The following ANXA8 variants were observed in gnomAD, a reference collection of about 807,000 sequenced individuals.
ANXA8 encodes the protein annexin A8, also known as VAC-beta.
Under a neutral mutation model 26.8 loss-of-function variants are expected in ANXA8, and 9 were observed. The observed-to-expected ratio is 0.34, with a 90% confidence interval of 0.20 to 0.59. The LOEUF (loss-of-function observed/expected upper bound fraction) is 0.59. Among genes scored for constraint, ANXA8 ranks in the 20% least tolerant of loss-of-function variants. The probability of loss-of-function intolerance (pLI) is 0.84; values close to 1 mark genes in which losing one functional copy is unlikely to be tolerated. For missense variants in ANXA8, 83 were observed against 238.5 expected, an observed-to-expected ratio of 0.35 and a Z score of 4.29; for synonymous variants, 39 against 94.8, an observed-to-expected ratio of 0.41 and a Z score of 3.42.
At chr10:47,954,503 A>G in the ANXA8 span, among the ~76,000 whole-genome samples, 1 of 151,164 alleles carries the variant, frequency 6.6e-6, no homozygotes, top group East Asian at 2.0e-4. Flanking sequence ...CAGGTTGGCC[A>G]GTCAACAATA....
At chr10:47,562,144 G>T in the ANXA8 span, among the ~76,000 whole-genome samples, 1 of 151,774 alleles carries the variant, frequency 6.6e-6, no homozygotes, top group Non-Finnish European at 1.5e-5. Flanking sequence ...AGTATGTTCA[G>T]CTTAGAATAT....
chr10:47,500,186 A>G, the ANXA8 span, among the ~76,000 whole-genome samples: 1 of 142,188 alleles, frequency 7.0e-6, no homozygotes, highest in African/African-American at 2.6e-5. Context: ...GACTAAAGGC[A>G]TGAAACCACC....
the ANXA8 span, among the ~76,000 whole-genome samples, chr10:47,694,938 G>A: frequency 3.3e-5 from 5 of 151,528 alleles, 1 homozygote; most frequent in African/African-American, 9.7e-5. Flanking sequence ...TAGGAGCTGG[G>A]GCATGTCAGT....
At chr10:47,497,931 A>T in the ANXA8 span, among the ~76,000 whole-genome samples, 2 of 152,128 alleles carry the variant, frequency 1.3e-5, 1 homozygote, top group South Asian at 4.1e-4. Context: ...AGAGTGAGGG[A>T]TCTCAAAAAA....
the ANXA8 span, among the ~76,000 whole-genome samples, chr10:47,955,088 T>A: frequency 2.1e-5 from 3 of 146,316 alleles, no homozygotes; most frequent in Non-Finnish European, 4.5e-5. Flanking sequence ...GGCAGATCTT[T>A]ACTGTGCTGT....
At chr10:47,489,540 C>T in the ANXA8 span, 1 of 600,998 alleles carries the variant, frequency 1.7e-6, no homozygotes, top group Non-Finnish European at 2.9e-6. Context: ...CACCTAGCTT[C>T]CCTTCCTCCC....
the ANXA8 span, among the ~76,000 whole-genome samples, chr10:47,772,144 A>G: frequency 1.5e-4 from 22 of 151,678 alleles, no homozygotes; most frequent in African/African-American, 5.1e-4. Flanking sequence ...AGAATGTGAA[A>G]AAAAAAGGCC....
chr10:47,577,119 T>C, the ANXA8 span, among the ~76,000 whole-genome samples: 144 of 148,590 alleles, frequency 9.7e-4, no homozygotes, highest in African/African-American at 3.4e-3. Context: ...CCCAGCTGAC[T>C]GAGGCTGAGA....
At chr10:47,500,185 CA>C in the ANXA8 span, among the ~76,000 whole-genome samples, 1 of 142,194 alleles carries the variant, frequency 7.0e-6, no homozygotes, top group East Asian at 2.2e-4. Flanking sequence ...GGACTAAAGG[CA>C]TGAAACCACC....
the ANXA8 span, chr10:47,491,640 C>A: frequency 6.5e-7 from 1 of 1,539,942 alleles, no homozygotes; most frequent in Non-Finnish European, 8.8e-7. Flanking sequence ...GTGGGCCAGG[C>A]CCTCGGCAGC....
the ANXA8 span, among the ~76,000 whole-genome samples, chr10:47,748,117 A>G: frequency 6.6e-6 from 1 of 152,026 alleles, no homozygotes; most frequent in African/African-American, 2.4e-5. Context: ...TTAAATAAAT[A>G]TAGGCTGAGA....
the ANXA8 span, chr10:47,763,044 C>CA: frequency 1.8e-5 from 19 of 1,044,588 alleles, no homozygotes; most frequent in Non-Finnish European, 2.2e-5. Context: ...CCGCGTCTGA[C>CA]ACAGGGCTCC....
the ANXA8 span, among the ~76,000 whole-genome samples, chr10:47,658,708 A>G: frequency 7.2e-6 from 1 of 139,270 alleles, no homozygotes; most frequent in Admixed American, 7.0e-5. Flanking sequence ...TTTGATTTCC[A>G]GTTCCAACTC....
the ANXA8 span, among the ~76,000 whole-genome samples, chr10:47,665,029 G>A: frequency 3.0e-4 from 44 of 146,656 alleles, no homozygotes; most frequent in Non-Finnish European, 6.4e-4. Flanking sequence ...ACCCAGTTGA[G>A]AAATACTGGG....
chr10:47,660,643 T>C, the ANXA8 span, among the ~76,000 whole-genome samples: 9,847 of 150,510 alleles, frequency 0.065, 719 homozygotes, highest in African/African-American at 0.23. Context: ...TCCAGTGATC[T>C]GCCTGCCTCG....
the ANXA8 span, among the ~76,000 whole-genome samples, chr10:47,940,455 T>A: frequency 4.1e-5 from 6 of 147,162 alleles, no homozygotes; most frequent in African/African-American, 1.6e-4. Flanking sequence ...AGCAACAGCA[T>A]GAAAAAAATA....
At chr10:47,941,259 C>T in the ANXA8 span, among the ~76,000 whole-genome samples, 2 of 146,510 alleles carry the variant, frequency 1.4e-5, no homozygotes, top group African/African-American at 5.3e-5. Context: ...CTGTACCCTC[C>T]TCCGAGAGGA....
the ANXA8 span, among the ~76,000 whole-genome samples, chr10:47,572,405 G>A: frequency 2.0e-5 from 3 of 147,906 alleles, no homozygotes; most frequent in Admixed American, 6.8e-5. Context: ...GCCTCAGACC[G>A]TGCTCTCTAT....
the ANXA8 span, among the ~76,000 whole-genome samples, chr10:47,976,748 A>T: frequency 6.7e-6 from 1 of 148,230 alleles, no homozygotes; most frequent in Non-Finnish European, 1.5e-5. Context: ...TTTGCTTAAC[A>T]TGGTTTGGAG....
Sources: allele counts gnomAD v4.1 joint callset (sites outside exome capture counted in the v4.1 genomes callset), GRCh38; gene constraint gnomAD v4.1.1; transcripts MANE v1.5; gene names NCBI Gene and HGNC (gene_info 2026-07-23, HGNC 2026-07-21).